RALGPS1: variants seen among roughly 807,000 people sequenced by gnomAD.
RALGPS1 encodes the protein ras-specific guanine nucleotide-releasing factor RalGPS1.
Under a neutral mutation model 78.8 loss-of-function variants are expected in RALGPS1, and 19 were observed. That is an observed-to-expected ratio of 0.24 (90% CI 0.17 to 0.35). The LOEUF is 0.35. Among genes scored for constraint, RALGPS1 ranks in the 10% least tolerant of loss-of-function variants. The probability of loss-of-function intolerance (pLI) is 1.00; values close to 1 mark genes in which losing one functional copy is unlikely to be tolerated. For synonymous variants in RALGPS1, 228 were observed against 256.3 expected (o/e 0.89, Z 1.06); for missense variants, 454 against 688.3 (o/e 0.66, Z 3.81).
chr9:127,152,393 C>A (rs918345257), intron 8 of RALGPS1, among the ~76,000 whole-genome samples: 3 of 152,206 alleles, frequency 2.0e-5, no homozygotes, highest in Non-Finnish European at 4.4e-5. Flanking sequence ...CCTCTGAGCA[C>A]ACTCCAGTTC....
intron 3 of RALGPS1, among the ~76,000 whole-genome samples, chr9:126,966,199 G>A (rs760486168): frequency 9.2e-5 from 14 of 152,120 alleles, no homozygotes; most frequent in South Asian, 4.1e-4. Context: ...CTAAAGCAAC[G>A]TTTGTGGAGA....
chr9:126,996,609 AG>A (rs1340699551), intron 4 of RALGPS1, among the ~76,000 whole-genome samples: 2 of 152,234 alleles, frequency 1.3e-5, no homozygotes, highest in Non-Finnish European at 2.9e-5. Context: ...AGGTACAAAG[AG>A]GAGCTGATAC....
intron 1 of RALGPS1, among the ~76,000 whole-genome samples, chr9:126,954,192 C>T (rs1363860658): frequency 1.3e-5 from 2 of 152,166 alleles, no homozygotes; most frequent in Non-Finnish European, 2.9e-5. Context: ...AATGAACTAC[C>T]AAGCAGTGTG....
intron 9 of RALGPS1, among the ~76,000 whole-genome samples, chr9:127,166,849 A>G (rs989640792): frequency 6.6e-6 from 1 of 152,064 alleles, no homozygotes; most frequent in Non-Finnish European, 1.5e-5. Context: ...GGATGGAGAA[A>G]ATCATTGGAG....
In RALGPS1 at chr9:127,091,598, G is replaced by A; in HGVS notation, c.610+22242G>A. 6.4e-7 allele frequency: 1 copy of A among 1,550,808 alleles called. No individual in the cohort carries two copies. Among genetic ancestry groups the A allele is most frequent in the Non-Finnish European group, 8.7e-7 (1 of 1,147,768 alleles). On this transcript the variant is annotated intron_variant, in intron 8 of 18. Transcript: ENST00000259351. This position sits in a 1 kb window ranked among gnomAD's most constrained non-coding sequence, Gnocchi z 4.3. ...GGGATCTTCCCGTTTCCAAGCCCTG[G>A]AGTCAGGGGCTCTGGCTCTGGTTGA...
intron 11 of RALGPS1, chr9:127,178,297 C>A: frequency 2.8e-6 from 1 of 353,588 alleles, no homozygotes. Flanking sequence ...CAGGGGTCAG[C>A]CTCCCCCGAA....
At chr9:127,082,204 G>A (rs1235603767) in intron 8 of RALGPS1, among the ~76,000 whole-genome samples, 2 of 152,200 alleles carry the variant, frequency 1.3e-5, no homozygotes, top group African/African-American at 4.8e-5. Context: ...GTGACTGCCA[G>A]AGCATCCACA....
intron 8 of RALGPS1, among the ~76,000 whole-genome samples, chr9:127,155,753 T>C (rs1240908330): frequency 6.6e-6 from 1 of 152,176 alleles, no homozygotes; most frequent in Non-Finnish European, 1.5e-5. Context: ...TTGGAGTCAG[T>C]GTCTGTGGCC....
chr9:127,103,760 C>T (rs1160380751), intron 8 of RALGPS1, among the ~76,000 whole-genome samples: 2 of 152,096 alleles, frequency 1.3e-5, no homozygotes, highest in Non-Finnish European at 2.9e-5. Context: ...CTGTTTGGAA[C>T]GTGGTACCAG....
chr9:126,997,285 T>G (rs986259946), intron 4 of RALGPS1, among the ~76,000 whole-genome samples: 9 of 152,202 alleles, frequency 5.9e-5, no homozygotes, highest in Non-Finnish European at 1.3e-4. Flanking sequence ...GAAAACCCCA[T>G]CGTCTCAGCC....
At chr9:127,108,634 C>T (rs771374120) in intron 8 of RALGPS1, 3 of 1,613,736 alleles carry the variant, frequency 1.9e-6, no homozygotes, top group Admixed American at 1.7e-5. Context: ...TCTTGGCGAG[C>T]CCTCCTCAGT....
rs202057706 is a variant in RALGPS1, at chr9:126,951,884, C to G, written c.-65-10341C>G. ...AGGAAAAGAGGAAGTCAAATTGTCC[C>G]TGTTTGCAGATGACATGATTGTATA... is the stretch of plus-strand genomic sequence containing the variant. On this transcript the variant is annotated intron_variant, in intron 1 of 18. Transcript: ENST00000259351. Among the ~76,000 whole-genome samples, 12 of 152,290 alleles carry G rather than the reference C, an allele frequency of 7.9e-5. No homozygotes were observed. The East Asian group carries it at 2.3e-3, about 29-fold the overall frequency.
At position 127,091,785 on chromosome 9, in the gene RALGPS1, C is replaced by G. The variant is rs2136423671; in HGVS notation, c.610+22429C>G. On this transcript the variant is annotated intron_variant, in intron 8 of 18. Coordinates refer to ENST00000259351, the MANE Select transcript of RALGPS1 (RefSeq NM_014636.3). This position sits in a 1 kb window ranked among gnomAD's most constrained non-coding sequence, Gnocchi z 4.3. ...CCAGCCGCAGCTTATAATACTCGCTCTCAGGTTCCAGGCGGAAACTGGCGT... is the reference window on the plus strand; with the variant it reads ...CCAGCCGCAGCTTATAATACTCGCTGTCAGGTTCCAGGCGGAAACTGGCGT... 1 of 1,614,192 alleles carries G rather than the reference C, an allele frequency of 6.2e-7. No homozygotes were observed. Among genetic ancestry groups the G allele is most frequent in the Non-Finnish European group, 8.5e-7 (1 of 1,180,040 alleles).
chr9:126,983,464 A>G (rs2041512692), intron 4 of RALGPS1, among the ~76,000 whole-genome samples: 1 of 152,130 alleles, frequency 6.6e-6, no homozygotes, highest in South Asian at 2.1e-4. Context: ...CAAACTTCAG[A>G]TGTAGCTCTT....
intron 17 of RALGPS1, among the ~76,000 whole-genome samples, chr9:127,213,437 G>A (rs2130952782): frequency 6.6e-6 from 1 of 152,298 alleles, no homozygotes; most frequent in South Asian, 2.1e-4. Context: ...TAAGACTCTG[G>A]CAGTGTCCAG....
At chr9:127,025,735 A>C in intron 4 of RALGPS1, among the ~76,000 whole-genome samples, 1 of 151,328 alleles carries the variant, frequency 6.6e-6, no homozygotes, top group East Asian at 1.9e-4. Context: ...TCTGTCATCC[A>C]GGCTGGAGTG....
intron 5 of RALGPS1, among the ~76,000 whole-genome samples, chr9:127,045,340 C>T (rs2047660069): frequency 6.6e-6 from 1 of 152,158 alleles, no homozygotes; most frequent in Admixed American, 6.5e-5. Context: ...GAAAACTTTG[C>T]TGACCTAAGT....
intron 8 of RALGPS1, among the ~76,000 whole-genome samples, chr9:127,099,958 C>G (rs2053556708): frequency 6.6e-6 from 1 of 152,222 alleles, no homozygotes; most frequent in Non-Finnish European, 1.5e-5. Context: ...CCTAAAAAGA[C>G]TTACTGGCTC....
intron 10 of RALGPS1, among the ~76,000 whole-genome samples, chr9:127,170,137 G>A (rs979042694): frequency 6.6e-6 from 1 of 152,034 alleles, no homozygotes; most frequent in East Asian, 1.9e-4. Context: ...ATCTAAGTTC[G>A]TGAAAACTGT....
Sources: allele counts gnomAD v4.1 joint callset (sites outside exome capture counted in the v4.1 genomes callset), GRCh38; gene constraint gnomAD v4.1.1; non-coding constraint Gnocchi (gnomAD v3.1); transcripts MANE v1.5; gene names NCBI Gene and HGNC (gene_info 2026-07-23, HGNC 2026-07-21).